AKAP13: variants seen among roughly 807,000 people sequenced by gnomAD.
AKAP13 encodes A-kinase anchor protein 13.
In AKAP13, 80 loss-of-function variants were observed where a neutral mutation model predicts 264.5. The ratio of observed to expected loss-of-function variants is 0.30; its 90% CI spans 0.25 to 0.36. The LOEUF is 0.36. AKAP13 is among the 10% of genes least tolerant of loss of function. The probability of loss-of-function intolerance (pLI) is 1.00; values close to 1 mark genes in which losing one functional copy is unlikely to be tolerated. For synonymous variants in AKAP13, 1,380 were observed against 1,250.2 expected (o/e 1.10, Z -2.19); for missense variants, 3,712 against 3,435.2 (o/e 1.08, Z -2.01).
chr15:85,690,264 G>A (rs999794972), intron 16 of AKAP13, among the ~76,000 whole-genome samples: 45 of 152,178 alleles, frequency 3.0e-4, no homozygotes, highest in African/African-American at 9.9e-4. Flanking sequence ...GCATTGCAAG[G>A]CTTGAGAGGA....
chr15:85,618,272 GT>G (rs1426895344), intron 8 of AKAP13, among the ~76,000 whole-genome samples: 1 of 152,032 alleles, frequency 6.6e-6, no homozygotes, highest in Non-Finnish European at 1.5e-5. Context: ...TTCTATATCC[GT>G]TTTTTAGCTC....
chr15:85,476,050 T>C (rs2075153120), intron 1 of AKAP13, among the ~76,000 whole-genome samples: 1 of 152,142 alleles, frequency 6.6e-6, no homozygotes, highest in Non-Finnish European at 1.5e-5. Context: ...GTATTTGACT[T>C]ACTGCTGATA....
intron 10 of AKAP13, among the ~76,000 whole-genome samples, chr15:85,648,261 T>C (rs943450612): frequency 6.6e-6 from 1 of 150,488 alleles, no homozygotes; most frequent in Non-Finnish European, 1.5e-5. Context: ...CATTTATATA[T>C]GTTTGAAAAT....
chr15:85,434,648 A>T (rs2073187035), intron 1 of AKAP13, among the ~76,000 whole-genome samples: 1 of 152,114 alleles, frequency 6.6e-6, no homozygotes, highest in Admixed American at 6.5e-5. Flanking sequence ...TGCCTCCTCA[A>T]GTGGGTCCCT....
intron 12 of AKAP13, among the ~76,000 whole-genome samples, chr15:85,660,480 G>A (rs1441393226): frequency 1.3e-5 from 2 of 151,066 alleles, no homozygotes; most frequent in African/African-American, 4.9e-5. Flanking sequence ...GGAAGTAAAG[G>A]AACATTTAAA....
intron 2 of AKAP13, among the ~76,000 whole-genome samples, chr15:85,506,450 C>T (rs533214478): frequency 2.6e-4 from 40 of 152,058 alleles, no homozygotes; most frequent in Non-Finnish European, 5.1e-4. Flanking sequence ...AGGAAGCTTA[C>T]GTAACAGTTG....
chr15:85,544,985 T>C (rs556986013), intron 5 of AKAP13, among the ~76,000 whole-genome samples: 1 of 152,354 alleles, frequency 6.6e-6, no homozygotes, highest in South Asian at 2.1e-4. Flanking sequence ...TACGGTTATG[T>C]AAACAGCTTT....
At chr15:85,618,768 C>T (rs1197902339) in intron 8 of AKAP13, among the ~76,000 whole-genome samples, 2 of 152,232 alleles carry the variant, frequency 1.3e-5, no homozygotes, top group Non-Finnish European at 2.9e-5. Context: ...TATTAACATA[C>T]ACAGAACTCC....
In AKAP13 at chr15:85,581,303, A is replaced by G. The variant is rs1288739705; in HGVS notation, c.3235A>G (p.Ser1079Gly). 18 of 1,614,212 alleles carry G rather than the reference A, an allele frequency of 1.1e-5. No individual in the cohort carries two copies. Among genetic ancestry groups the G allele is most frequent in the Non-Finnish European group, 1.5e-5 (18 of 1,180,032 alleles). The change falls in exon 7 of 37, where the codon AGT (serine) becomes GGT (glycine). Residue 1079 changes from serine (S) to glycine (G), a missense_variant. This residue lies in a region of AKAP13 where 2,759 missense variants were observed against 2,411.7 expected (regional missense o/e 1.14). Transcript: ENST00000394518. ...VKNTQSQGKTSACEVSGDVTV... is the reference protein window; with the variant it reads ...VKNTQSQGKTGACEVSGDVTV... ...GAACACTCAATCCCAGGGAAAAACT[A>G]GTGCCTGTGAGGTGAGTGGAGATGT...
intron 1 of AKAP13, among the ~76,000 whole-genome samples, chr15:85,462,799 C>T (rs943964957): frequency 1.5e-4 from 22 of 151,376 alleles, no homozygotes; most frequent in African/African-American, 2.2e-4. Context: ...CCGAGGCGGG[C>T]GGATCACGAG....
intron 1 of AKAP13, among the ~76,000 whole-genome samples, chr15:85,412,037 G>C (rs958892327): frequency 6.6e-6 from 1 of 152,198 alleles, no homozygotes; most frequent in African/African-American, 2.4e-5. Flanking sequence ...ATAATGAAAT[G>C]TATCTACATT....
chr15:85,626,358 T>C (rs1447662123), intron 8 of AKAP13, among the ~76,000 whole-genome samples: 10 of 152,224 alleles, frequency 6.6e-5, no homozygotes, highest in African/African-American at 2.2e-4. Flanking sequence ...TCCAGAACTT[T>C]TTCATATTCC....
chr15:85,720,494 G>A (rs1047475198), intron 23 of AKAP13, among the ~76,000 whole-genome samples: 1 of 152,204 alleles, frequency 6.6e-6, no homozygotes, highest in Non-Finnish European at 1.5e-5. Context: ...ACTTGTAGAT[G>A]TGATTGTCAT....
At chr15:85,710,408 G>A in intron 18 of AKAP13, 171 bp from the exon 19 acceptor site, 1 of 549,260 alleles carries the variant, frequency 1.8e-6, no homozygotes. Context: ...GGAGTACGTG[G>A]CAGGCTTAGA....
intron 2 of AKAP13, among the ~76,000 whole-genome samples, chr15:85,493,819 A>G (rs1029295730): frequency 3.3e-5 from 5 of 152,204 alleles, no homozygotes; most frequent in African/African-American, 1.2e-4. Flanking sequence ...ATGCTGTCAG[A>G]TGATAAAAGA....
chr15:85,506,153 G>A (rs1258774074), intron 2 of AKAP13, among the ~76,000 whole-genome samples: 2 of 152,000 alleles, frequency 1.3e-5, no homozygotes, highest in African/African-American at 2.4e-5. Context: ...AAAATTAGCC[G>A]GGCACCTGTA....
intron 1 of AKAP13, among the ~76,000 whole-genome samples, chr15:85,443,292 TGTTTATTAGCTGA>T (rs1415950167): frequency 6.6e-6 from 1 of 152,192 alleles, no homozygotes; most frequent in African/African-American, 2.4e-5. Context: ...TTAGCTTTGG[TGTTTATTAGCTGA>T]ATAAAAAGAT....
intron 30 of AKAP13, 112 bp from the exon 31 acceptor site, chr15:85,734,880 C>T: frequency 1.4e-6 from 2 of 1,393,188 alleles, no homozygotes; most frequent in Non-Finnish European, 1.9e-6. Flanking sequence ...CTCACCCAGT[C>T]ACTCTTTGGA....
chr15:85,427,215 A>C (rs994428475), intron 1 of AKAP13, among the ~76,000 whole-genome samples: 1 of 152,080 alleles, frequency 6.6e-6, no homozygotes, highest in Admixed American at 6.5e-5. Context: ...TCGGCCTCCC[A>C]AAGTGCTGGG....
Sources: gnomAD v4.1 joint callset for allele counts (sites outside exome capture counted in the v4.1 genomes callset) on GRCh38, gnomAD v4.1.1 for gene constraint, gnomAD v4.1.1 regional missense constraint, MANE v1.5 for transcripts, NCBI Gene and HGNC (gene_info 2026-07-23, HGNC 2026-07-21) for gene names.